Variants in ANKRD28 observed in about 807,000 individuals in gnomAD.
ANKRD28 encodes serine/threonine-protein phosphatase 6 regulatory ankyrin repeat subunit A.
ANKRD28 carries 44 observed loss-of-function variants against 126.5 expected under a neutral mutation model. The ratio of observed to expected loss-of-function variants is 0.35; its 90% confidence interval spans 0.27 to 0.45. The LOEUF is 0.45. ANKRD28 is among the 20% of genes least tolerant of loss of function. The pLI is 1.00. For synonymous variants in ANKRD28, 442 were observed against 468.5 expected, an observed-to-expected ratio of 0.94 and a Z score of 0.73; for missense variants, 1,110 against 1,316.6, an observed-to-expected ratio of 0.84 and a Z score of 2.43.
chr3:15,790,519 CA>C (rs1006379562), intron 2 of ANKRD28, among the ~76,000 whole-genome samples: 110 of 151,614 alleles, frequency 7.3e-4, no homozygotes, highest in African/African-American at 2.5e-3. Context: ...TATATCATAT[CA>C]AAAAAATAAA....
intron 1 of ANKRD28, among the ~76,000 whole-genome samples, chr3:15,827,652 G>A (rs1042546574): frequency 6.6e-6 from 1 of 152,158 alleles, no homozygotes; most frequent in African/African-American, 2.4e-5. Context: ...AGAAAACACA[G>A]GGGAAAAGCT....
intron 4 of ANKRD28, among the ~76,000 whole-genome samples, chr3:15,747,398 T>C (rs1221566430): frequency 6.6e-6 from 1 of 152,182 alleles, no homozygotes; most frequent in African/African-American, 2.4e-5. Context: ...GTTGTGCCAC[T>C]ATTATTGTTC....
intron 8 of ANKRD28, among the ~76,000 whole-genome samples, chr3:15,718,431 G>GT (rs1236012227): frequency 6.6e-6 from 1 of 152,124 alleles, no homozygotes; most frequent in Admixed American, 6.5e-5. Flanking sequence ...TATTAAGGAG[G>GT]TAACTTCAAA....
intron 2 of ANKRD28, among the ~76,000 whole-genome samples, chr3:15,775,471 G>T (rs1160493070): frequency 6.6e-6 from 1 of 152,130 alleles, no homozygotes; most frequent in Non-Finnish European, 1.5e-5. Flanking sequence ...AGATCTCAAA[G>T]TGAGTGCTCA....
chr3:15,790,188 A>C (rs972371389), intron 2 of ANKRD28, among the ~76,000 whole-genome samples: 10 of 152,110 alleles, frequency 6.6e-5, no homozygotes, highest in Admixed American at 6.6e-4. Flanking sequence ...CCAGGACATA[A>C]TGGCTTCACT....
chr3:15,777,849 TACAC>T (rs569761948), intron 2 of ANKRD28, among the ~76,000 whole-genome samples: 5,454 of 106,024 alleles, frequency 0.051, 156 homozygotes, highest in African/African-American at 0.087. Flanking sequence ...AAAACCAAAC[TACAC>T]ACACACACAC....
At position 15,669,993 on chromosome 3, in the gene ANKRD28, A is replaced by G. The variant is rs887664430; in HGVS notation, c.*277T>C. The G allele has an allele frequency of 5.1e-5, 19 of 374,730 alleles. No individual in the cohort carries two copies. The highest frequency in any genetic ancestry group is 2.7e-4 in the South Asian group (7 of 25,840). 23.2% of individuals were successfully genotyped at this position (374,730 alleles called of 1,614,324 possible). A position where few individuals can be genotyped will look rare whatever the true frequency, so the allele number is the denominator to read the frequency against. ...CAGGTTAGAGTGCACAGTGTCCCCA[A>G]TTGTTCCTGGCACTGCAAAACCAAA... On this transcript the variant is annotated 3_prime_UTR_variant, in exon 28 of 28. Transcript: ENST00000683139.
In ANKRD28 at chr3:15,735,476, T is replaced by C. The variant is rs2074953644; in HGVS notation, c.574A>G (p.Arg192Gly). ...TCAAAAGCATTAATATTGGCACCTC[T>C]AGACAAGAGTAGTTTGACCATCTGG... ...HGEMVKLLLSRGANINAFDKK... is the reference protein window; with the variant it reads ...HGEMVKLLLSGGANINAFDKK... The change falls in exon 6 of 28, where the codon AGA becomes GGA. Residue 192 changes from arginine to glycine, a missense_variant. Coordinates refer to ENST00000683139, the MANE Select transcript of ANKRD28 (RefSeq NM_001349278.2). The C allele has an allele frequency of 1.9e-6, 3 of 1,555,984 alleles. No homozygotes were observed. The highest frequency in any genetic ancestry group is 2.6e-6 in the Non-Finnish European group (3 of 1,148,930).
chr3:15,710,171 G>C (rs1206982901), intron 12 of ANKRD28, among the ~76,000 whole-genome samples: 1 of 152,036 alleles, frequency 6.6e-6, no homozygotes, highest in African/African-American at 2.4e-5. Context: ...GAGTAGTTAA[G>C]CTTACAGCTG....
At chr3:15,765,246 T>C (rs1031487025) in intron 3 of ANKRD28, among the ~76,000 whole-genome samples, 2 of 152,328 alleles carry the variant, frequency 1.3e-5, no homozygotes, top group African/African-American at 4.8e-5. Flanking sequence ...CAATAGGAGC[T>C]ATTCTATCAT....
chr3:15,768,091 T>C (rs2058833392), intron 2 of ANKRD28, among the ~76,000 whole-genome samples: 2 of 152,100 alleles, frequency 1.3e-5, no homozygotes, highest in African/African-American at 4.8e-5. Context: ...CCTTACTAGC[T>C]TGGATCACTG....
intron 6 of ANKRD28, among the ~76,000 whole-genome samples, chr3:15,725,913 C>T (rs1326498123): frequency 6.6e-6 from 1 of 152,104 alleles, no homozygotes; most frequent in African/African-American, 2.4e-5. Flanking sequence ...CATGCTGGCA[C>T]ACACCTGTAG....
intron 18 of ANKRD28, 191 bp from the exon 19 acceptor site, chr3:15,686,500 T>C: frequency 1.7e-6 from 1 of 594,310 alleles, no homozygotes; most frequent in Non-Finnish European, 3.0e-6. Flanking sequence ...AAATGTGAAT[T>C]CCTCACAGTA....
chr3:15,724,875 G>C (rs2074038364), intron 6 of ANKRD28, among the ~76,000 whole-genome samples: 1 of 152,144 alleles, frequency 6.6e-6, no homozygotes, highest in South Asian at 2.1e-4. Context: ...CAGTTACTTG[G>C]GAGGCTGAGA....
chr3:15,761,563 G>A (rs1335732530), intron 3 of ANKRD28, among the ~76,000 whole-genome samples: 1 of 152,088 alleles, frequency 6.6e-6, no homozygotes, highest in Non-Finnish European at 1.5e-5. Context: ...CAGAACTCCT[G>A]GAGCATCTAT....
chr3:15,797,117 A>G lies in ANKRD28; in HGVS notation c.-596T>C. 1 of 985,226 alleles carries G rather than the reference A, an allele frequency of 1.0e-6. No homozygotes were observed. Among genetic ancestry groups the G allele is most frequent in the Non-Finnish European group, 1.2e-6 (1 of 829,878 alleles). The allele number at this position is 985,226 out of a possible 1,614,324, so 61.0% of individuals were successfully genotyped here. On this transcript the variant is annotated 5_prime_UTR_variant, in exon 1 of 28. Transcript: ENST00000683139. ...GGTTTAATGCAGATACTATTCACAG[A>G]AAAAAGATCTAGAGCTCAGCACAAA...
chr3:15,693,163 G>A (rs900308003), intron 17 of ANKRD28, among the ~76,000 whole-genome samples: 1 of 152,168 alleles, frequency 6.6e-6, no homozygotes, highest in Non-Finnish European at 1.5e-5. Flanking sequence ...AAGATAAAAA[G>A]ATTCTGGAGA....
Position 15,667,805 on chromosome 3 carries a change from G to C in ANKRD28, c.*2465C>G, listed in dbSNP as rs944866914. 1.3e-5 allele frequency: 2 copies of C among 152,208 alleles called. No individual in the cohort carries two copies. Among genetic ancestry groups the C allele is most frequent in the African/African-American group, 2.4e-5 (1 of 41,456 alleles). The allele number at this position is 152,208 out of a possible 1,614,324, so 9.4% of individuals were successfully genotyped here. On this transcript the variant is annotated 3_prime_UTR_variant, in exon 28 of 28. Coordinates refer to ENST00000683139, the MANE Select transcript of ANKRD28 (RefSeq NM_001349278.2). ...AACTACCTTAATGTTTTTGGTAACA[G>C]CATCATTTACATATAAGTGATGCAG... is the stretch of plus-strand genomic sequence containing the variant.
intron 1 of ANKRD28, among the ~76,000 whole-genome samples, chr3:15,848,560 A>C (rs2061574780): frequency 6.6e-6 from 1 of 152,094 alleles, no homozygotes; most frequent in African/African-American, 2.4e-5. Context: ...CTGTGGTCCC[A>C]CCTACTCAGG....
Sources: allele counts gnomAD v4.1 joint callset (sites outside exome capture counted in the v4.1 genomes callset), GRCh38; gene constraint gnomAD v4.1.1; transcripts MANE v1.5; gene names NCBI Gene and HGNC (gene_info 2026-07-23, HGNC 2026-07-21).